DIS3L2: variants seen among roughly 807,000 people sequenced by gnomAD.
DIS3L2 encodes DIS3-like exonuclease 2.
DIS3L2 carries 34 observed loss-of-function variants against 97.5 expected under a neutral mutation model. The observed-to-expected ratio is 0.35, with a 90% confidence interval of 0.27 to 0.46. The LOEUF is 0.46. DIS3L2 is among the 20% of genes least tolerant of loss of function. The pLI, the probability that DIS3L2 is intolerant of heterozygous loss-of-function variation, is 1.00. For missense variants in DIS3L2, 1,038 were observed against 1,146.0 expected, an observed-to-expected ratio of 0.91 and a Z score of 1.36; for synonymous variants, 435 against 445.2, an observed-to-expected ratio of 0.98 and a Z score of 0.29.
At chr2:232,282,327 G>A (rs1694313717) in intron 13 of DIS3L2, among the ~76,000 whole-genome samples, 1 of 152,128 alleles carries the variant, frequency 6.6e-6, no homozygotes, top group Non-Finnish European at 1.5e-5. Context: ...ACCATCAGGA[G>A]GAGTGCCCCC....
chr2:232,319,479 G>C (rs2106338084), intron 14 of DIS3L2, among the ~76,000 whole-genome samples: 1 of 152,354 alleles, frequency 6.6e-6, no homozygotes, highest in Non-Finnish European at 1.5e-5. Context: ...CTTGGTGGCT[G>C]CACAGCTCAG....
intron 19 of DIS3L2, 120 bp downstream of exon 19, chr2:232,334,855 C>T: frequency 1.2e-6 from 1 of 823,136 alleles, no homozygotes; most frequent in Non-Finnish European, 1.9e-6. Flanking sequence ...AGCACAAAGC[C>T]CACCTGATGG....
chr2:231,990,113 A>G (rs1276408987), intron 1 of DIS3L2, among the ~76,000 whole-genome samples: 2 of 151,752 alleles, frequency 1.3e-5, no homozygotes, highest in Non-Finnish European at 1.5e-5. Flanking sequence ...AGATCCTTTT[A>G]TTTGATATTT....
chr2:232,018,793 G>T (rs894993058), intron 3 of DIS3L2, among the ~76,000 whole-genome samples: 2 of 151,906 alleles, frequency 1.3e-5, no homozygotes, highest in Admixed American at 1.3e-4. Context: ...TTTTTCCTAT[G>T]TGGGGAGGAG....
chr2:232,172,480 C>T (rs1691019714), intron 9 of DIS3L2, among the ~76,000 whole-genome samples: 1 of 152,128 alleles, frequency 6.6e-6, no homozygotes, highest in Admixed American at 6.6e-5. Context: ...AACGTAATTC[C>T]ATTTTATAGC....
rs1696993520 is a variant in DIS3L2 at position 232,095,921 on chromosome 2, CAT to C, written c.601+8201_601+8202del. Reference sequence around the variant, plus strand: ...GTTTCCACTGGAAAGTCTGCTGCCACATGTGTTGTAGCTCCATTGTATGTTTG... The same window carrying C: ...GTTTCCACTGGAAAGTCTGCTGCCACGTGTTGTAGCTCCATTGTATGTTTG... On this transcript the variant is annotated intron_variant, in intron 6 of 20. Transcript: ENST00000325385. Among the ~76,000 whole-genome samples the C allele has an allele frequency of 2.0e-5, 3 of 152,128 alleles. No individual in the cohort carries two copies. The East Asian group carries it at 5.8e-4, about 29-fold the overall frequency.
In DIS3L2 at chr2:232,281,276, G is replaced by A. The variant is rs1056008176; in HGVS notation, c.1659+17836G>A. Among the ~76,000 whole-genome samples, 23 of 152,310 alleles carry A rather than the reference G, an allele frequency of 1.5e-4. No individual in the cohort carries two copies. Among genetic ancestry groups the A allele is most frequent in the African/African-American group, 5.3e-4 (22 of 41,562 alleles). ...TAGCCGGGCGTGGTGGCGGGCGCCT[G>A]TGGTCCCAGCTATTTGGGAGGCTGA... is the stretch of plus-strand genomic sequence containing the variant. On this transcript the variant is annotated intron_variant, in intron 13 of 20. Transcript: ENST00000325385. This position sits in a 1 kb window ranked among gnomAD's most constrained non-coding sequence, Gnocchi z 4.1.
intron 12 of DIS3L2, among the ~76,000 whole-genome samples, chr2:232,259,098 C>G (rs1359082358): frequency 6.6e-6 from 1 of 152,060 alleles, no homozygotes; most frequent in Non-Finnish European, 1.5e-5. Flanking sequence ...TACCTCAGCC[C>G]TTCGTGTATT....
intron 13 of DIS3L2, among the ~76,000 whole-genome samples, chr2:232,342,505 G>T (rs572123911): frequency 2.4e-4 from 37 of 151,988 alleles, no homozygotes; most frequent in Admixed American, 9.8e-4. Flanking sequence ...CATATAACTT[G>T]GACAAAAGTA....
chr2:232,144,755 T>G (rs1253364425), intron 8 of DIS3L2, among the ~76,000 whole-genome samples: 1 of 152,198 alleles, frequency 6.6e-6, no homozygotes, highest in African/African-American at 2.4e-5. Context: ...GTCTCTCCAA[T>G]TTGTGACATT....
intron 6 of DIS3L2, among the ~76,000 whole-genome samples, chr2:232,123,943 G>A (rs1697980122): frequency 6.6e-6 from 1 of 152,160 alleles, no homozygotes; most frequent in Non-Finnish European, 1.5e-5. Flanking sequence ...TTGGTTTAAG[G>A]ACTGGTGCCT....
At chr2:232,254,245 G>T (rs75633969) in intron 12 of DIS3L2, among the ~76,000 whole-genome samples, 2 of 151,664 alleles carry the variant, frequency 1.3e-5, no homozygotes, top group Non-Finnish European at 2.9e-5. Flanking sequence ...CTTAAATATC[G>T]GGTTAATAAA....
chr2:231,971,516 C>G (rs111888380), intron 1 of DIS3L2, among the ~76,000 whole-genome samples: 1 of 151,910 alleles, frequency 6.6e-6, no homozygotes, highest in Non-Finnish European at 1.5e-5. Flanking sequence ...GGCGCCATCT[C>G]GGCTCACTGC....
intron 1 of DIS3L2, among the ~76,000 whole-genome samples, chr2:231,981,631 T>TG (rs1400165196): frequency 1.4e-5 from 2 of 142,038 alleles, no homozygotes; most frequent in African/African-American, 2.5e-5. Flanking sequence ...TATATATATA[T>TG]ATATATGAGA....
Position 232,017,927 on chromosome 2 carries a change from A to G in DIS3L2, c.210+2256A>G, listed in dbSNP as rs142550448. ...ATTTCTTGGCTTTTATGTTTCCCCC[A>G]GATAGACTGTTCATGTCCTTGATGG... On this transcript the variant is annotated intron_variant, in intron 3 of 20. Coordinates refer to ENST00000325385, the MANE Select transcript of DIS3L2 (RefSeq NM_152383.5). Among the ~76,000 whole-genome samples, 267 of 152,298 alleles carry G rather than the reference A, an allele frequency of 1.8e-3. 1 individual carries two copies. The highest frequency in any genetic ancestry group is 5.9e-3 in the African/African-American group (246 of 41,572).
intron 8 of DIS3L2, among the ~76,000 whole-genome samples, chr2:232,147,461 A>T (rs921552386): frequency 6.6e-6 from 1 of 152,188 alleles, no homozygotes. Flanking sequence ...AATGTCCTTT[A>T]TCTATTCCAG....
chr2:232,338,055 G>A (rs1023335208), downstream of DIS3L2, among the ~76,000 whole-genome samples: 13 of 151,724 alleles, frequency 8.6e-5, no homozygotes, highest in Admixed American at 1.3e-4. Flanking sequence ...ACAGGCGAGC[G>A]TCTGGGGGTT....
intron 13 of DIS3L2, among the ~76,000 whole-genome samples, chr2:232,287,121 T>C (rs1694454613): frequency 6.6e-6 from 1 of 152,218 alleles, no homozygotes. Flanking sequence ...ATCCTCTGTC[T>C]GTCCCCTGAG....
At chr2:232,054,146 T>C (rs1695484007) in intron 5 of DIS3L2, among the ~76,000 whole-genome samples, 1 of 152,262 alleles carries the variant, frequency 6.6e-6, no homozygotes, top group Admixed American at 6.5e-5. Flanking sequence ...AACACATTTA[T>C]ATTTTTTAAT....
Sources: gnomAD v4.1 joint callset for allele counts (sites outside exome capture counted in the v4.1 genomes callset) on GRCh38, gnomAD v4.1.1 for gene constraint, Gnocchi (gnomAD v3.1) non-coding constraint, MANE v1.5 for transcripts, NCBI Gene and HGNC (gene_info 2026-07-23, HGNC 2026-07-21) for gene names.